Variants in CREB1 observed in about 807,000 individuals in gnomAD.
CREB1 encodes the protein cyclic AMP-responsive element-binding protein 1.
A neutral mutation model predicts 42.0 loss-of-function variants in CREB1; 2 were observed. The ratio of observed to expected loss-of-function variants is 0.05; its 90% CI spans 0.02 to 0.15. The LOEUF (loss-of-function observed/expected upper bound fraction) is 0.15, where lower values mean the gene tolerates loss of function less well. CREB1 is among the 10% of genes least tolerant of loss of function. The pLI, the probability that CREB1 is intolerant of heterozygous loss-of-function variation, is 1.00. For synonymous variants in CREB1, 123 were observed against 139.9 expected (o/e 0.88, Z 0.85); for missense variants, 199 against 388.9 (o/e 0.51, Z 4.11).
At chr2:207,531,334 T>A (rs2080619546) in intron 1 of CREB1, among the ~76,000 whole-genome samples, 2 of 152,340 alleles carry the variant, frequency 1.3e-5, no homozygotes. Flanking sequence ...GATTTAATAC[T>A]ACTACTAAAA....
chr2:207,584,672 G>T (rs920255090), intron 7 of CREB1, among the ~76,000 whole-genome samples: 6 of 152,174 alleles, frequency 3.9e-5, no homozygotes, highest in Non-Finnish European at 5.9e-5. Flanking sequence ...AAAATGCTGG[G>T]ATTACAGGTG....
At chr2:207,532,456 C>T (rs189388706) in intron 1 of CREB1, among the ~76,000 whole-genome samples, 1 of 151,976 alleles carries the variant, frequency 6.6e-6, no homozygotes, top group African/African-American at 2.4e-5. Flanking sequence ...AGGCGGCTCA[C>T]GAGGTCAAGA....
intron 7 of CREB1, among the ~76,000 whole-genome samples, chr2:207,588,873 G>T: frequency 7.6e-6 from 1 of 131,310 alleles, no homozygotes; most frequent in South Asian, 2.6e-4. Flanking sequence ...TTACTTATTA[G>T]TTCTAGGAGC....
At chr2:207,543,587 A>G (rs907614692) in intron 1 of CREB1, among the ~76,000 whole-genome samples, 2 of 151,864 alleles carry the variant, frequency 1.3e-5, no homozygotes, top group African/African-American at 2.4e-5. Flanking sequence ...TGTTTTATTA[A>G]TGGTTATTAA....
chr2:207,560,315 A>G lies in CREB1; in HGVS notation c.204A>G (p.Gly68=). The G allele has an allele frequency of 6.2e-7, 1 of 1,614,054 alleles. No homozygotes were observed. The highest frequency in any genetic ancestry group is 1.1e-5 in the South Asian group (1 of 91,074). The part of the protein sequence containing the change: ...LPNGQTVQVH[G]VIQAAQPSVI... Reference sequence around the variant, plus strand: ...ATGGGCAGACAGTTCAAGTCCATGGAGTCATTCAGGCGGCCCAGCCATCAG... The same window carrying G: ...ATGGGCAGACAGTTCAAGTCCATGGGGTCATTCAGGCGGCCCAGCCATCAG... Residue 68 remains glycine, a synonymous_variant, in exon 3 of 8, where the codon GGA becomes GGG. Coordinates refer to ENST00000353267, the MANE Select transcript of CREB1 (RefSeq NM_004379.5).
intron 4 of CREB1, among the ~76,000 whole-genome samples, chr2:207,569,919 C>T (rs955177171): frequency 6.6e-6 from 1 of 151,698 alleles, no homozygotes; most frequent in Non-Finnish European, 1.5e-5. Context: ...GTGGCAGGCG[C>T]CCGTAGTCCC....
chr2:207,558,559 A>G (rs2081824918), intron 2 of CREB1, among the ~76,000 whole-genome samples: 3 of 151,254 alleles, frequency 2.0e-5, no homozygotes, highest in Admixed American at 6.6e-5. Flanking sequence ...TCTTTCCTTA[A>G]CTACTTCATG....
In CREB1 at chr2:207,604,560, GAT is replaced by G. The variant is rs1186077399; in HGVS notation, c.*7504_*7505del. On this transcript the variant is annotated 3_prime_UTR_variant, in exon 8 of 8. Coordinates refer to ENST00000353267, the MANE Select transcript of CREB1 (RefSeq NM_004379.5). ...GGCCTGACATCAAATGGAAAGGAAG[GAT>G]AATGTCCAGGAGTTGGAATGTTATC... Among the ~76,000 whole-genome samples the G allele has an allele frequency of 1.3e-5, 2 of 152,160 alleles. No homozygotes were observed. Among genetic ancestry groups the G allele is most frequent in the African/African-American group, 4.8e-5 (2 of 41,436 alleles).
At position 207,575,435 on chromosome 2, in the gene CREB1, C is replaced by T; in HGVS notation, c.669C>T (p.Ser223=). The T allele has an allele frequency of 6.2e-7, 1 of 1,611,488 alleles. No homozygotes were observed. Among genetic ancestry groups the T allele is most frequent in the Middle Eastern group, 1.7e-4 (1 of 6,052 alleles). Residue 223 remains serine, a synonymous_variant, in exon 6 of 8, where the codon AGC becomes AGT. Coordinates refer to ENST00000353267, the MANE Select transcript of CREB1 (RefSeq NM_004379.5). ...ATGGACAGCAGATCTTAGTGCCCAG[C>T]AACCAAGTTGTTGTTCAAGGTAAGG... The part of the protein sequence containing the change: ...TTDGQQILVP[S]NQVVVQAASG...
At chr2:207,567,733 G>A in intron 4 of CREB1, 170 bp downstream of exon 4, 1 of 451,998 alleles carries the variant, frequency 2.2e-6, no homozygotes, top group Middle Eastern at 4.9e-4. Flanking sequence ...TACAGAATAA[G>A]AAGAGCACTT....
chr2:207,604,068 ATAT>A lies in CREB1; in HGVS notation c.*7013_*7015del, dbSNP rs1264218801. On this transcript the variant is annotated 3_prime_UTR_variant, in exon 8 of 8. Coordinates refer to ENST00000353267, the MANE Select transcript of CREB1 (RefSeq NM_004379.5). ...CACAAAATGAGACATTTTGAGAGTGATATTAATTACATGAGGGACAATAGGCAT... is the reference window on the plus strand; with the variant it reads ...CACAAAATGAGACATTTTGAGAGTGATAATTACATGAGGGACAATAGGCAT... 6.6e-6 allele frequency among the ~76,000 whole-genome samples: 1 copy of A among 152,196 alleles called. No homozygotes were observed. Among genetic ancestry groups the A allele is most frequent in the Non-Finnish European group, 1.5e-5 (1 of 68,032 alleles).
intron 5 of CREB1, among the ~76,000 whole-genome samples, chr2:207,572,673 G>A (rs936228275): frequency 1.3e-5 from 2 of 151,966 alleles, no homozygotes; most frequent in Non-Finnish European, 2.9e-5. Context: ...AAAATTAGCC[G>A]AGCGAGGTGG....
At chr2:207,540,661 T>C (rs2081057164) in intron 1 of CREB1, among the ~76,000 whole-genome samples, 1 of 58,188 alleles carries the variant, frequency 1.7e-5, no homozygotes, top group African/African-American at 5.7e-5. Flanking sequence ...ACAAAAAAGT[T>C]TAAAAAGTAA....
rs1036513744 is a variant in CREB1, at chr2:207,603,631, G to A, written c.*6573G>A. On this transcript the variant is annotated 3_prime_UTR_variant, in exon 8 of 8. Transcript: ENST00000353267. ...CAGGACAAAACCTGTTTTTCAATAAGATTGAACAGTGCCTATTTGTGGATT... is the reference window on the plus strand; with the variant it reads ...CAGGACAAAACCTGTTTTTCAATAAAATTGAACAGTGCCTATTTGTGGATT... 1.3e-5 allele frequency among the ~76,000 whole-genome samples: 2 copies of A among 152,272 alleles called. No homozygotes were observed. The highest frequency in any genetic ancestry group is 1.3e-4 in the Admixed American group (2 of 15,298).
rs1432816348 is a variant in CREB1 at position 207,602,361 on chromosome 2, C to G, written c.*5303C>G. ...GCATTCTGGTACGGTGGGTGCAGGTCCCAGCTGGGTATGACATGATACATT... is the reference window on the plus strand; with the variant it reads ...GCATTCTGGTACGGTGGGTGCAGGTGCCAGCTGGGTATGACATGATACATT... On this transcript the variant is annotated 3_prime_UTR_variant, in exon 8 of 8. Coordinates refer to ENST00000353267, the MANE Select transcript of CREB1 (RefSeq NM_004379.5). The G allele has an allele frequency of 4.9e-6, 1 of 202,060 alleles. No homozygotes were observed. Among genetic ancestry groups the G allele is most frequent in the Non-Finnish European group, 1.0e-5 (1 of 98,388 alleles). The allele number at this position is 202,060 out of a possible 1,614,324, so 12.5% of individuals were successfully genotyped here. A position where few individuals can be genotyped will look rare whatever the true frequency, so the allele number is the denominator to read the frequency against.
chr2:207,578,403 A>G (rs1037708483), intron 7 of CREB1, among the ~76,000 whole-genome samples: 2 of 152,246 alleles, frequency 1.3e-5, no homozygotes, highest in African/African-American at 4.8e-5. Flanking sequence ...AAAGTTTGAA[A>G]TTAGTGAAAG....
rs1416664162 is a variant in CREB1, at chr2:207,580,592, A to G, written c.839+2937A>G. The stretch of plus-strand genomic sequence containing the variant: ...CCCTTATGCACATCAAACACAGCCT[A>G]TCTTAAAGTTTGATAGGAAAAGATT... On this transcript the variant is annotated intron_variant, in intron 7 of 7. Coordinates refer to ENST00000353267, the MANE Select transcript of CREB1 (RefSeq NM_004379.5). The G allele has an allele frequency of 3.2e-5, 7 of 216,368 alleles. No individual in the cohort carries two copies. In the East Asian group the frequency reaches 4.1e-4, roughly 13 times the overall value. The allele number at this position is 216,368 out of a possible 1,614,324, so 13.4% of individuals were successfully genotyped here.
Position 207,558,891 on chromosome 2 carries a change from C to T in CREB1, c.115-1335C>T, listed in dbSNP as rs534002250. ...CTCTAGACCTCAGATGATCCACCCG[C>T]CTCGGCCTCCCAAAGTGCTGGGATT... On this transcript the variant is annotated intron_variant, in intron 2 of 7. Coordinates refer to ENST00000353267, the MANE Select transcript of CREB1 (RefSeq NM_004379.5). Among the ~76,000 whole-genome samples the T allele has an allele frequency of 8.5e-5, 13 of 152,306 alleles. No homozygotes were observed. The South Asian group carries it at 2.7e-3, about 32-fold the overall frequency.
rs545756642 is a variant in CREB1, at chr2:207,604,300, T to C, written c.*7242T>C. ...CCACTGAAGACTTAACATATGTCTTTTACACTCAGGTTGCAAAACACAGGC... is the reference window on the plus strand; with the variant it reads ...CCACTGAAGACTTAACATATGTCTTCTACACTCAGGTTGCAAAACACAGGC... On this transcript the variant is annotated 3_prime_UTR_variant, in exon 8 of 8. Coordinates refer to ENST00000353267, the MANE Select transcript of CREB1 (RefSeq NM_004379.5). 1.3e-5 allele frequency among the ~76,000 whole-genome samples: 2 copies of C among 152,178 alleles called. No homozygotes were observed. Among genetic ancestry groups the C allele is most frequent in the Non-Finnish European group, 2.9e-5 (2 of 68,038 alleles).
Sources: gnomAD v4.1 joint callset for allele counts (sites outside exome capture counted in the v4.1 genomes callset) on GRCh38, gnomAD v4.1.1 for gene constraint, MANE v1.5 for transcripts, NCBI Gene and HGNC (gene_info 2026-07-23, HGNC 2026-07-21) for gene names.